Variants in EFCAB13 observed in about 807,000 individuals in gnomAD.
EFCAB13 encodes EF-hand calcium-binding domain-containing protein 13.
Under a neutral mutation model 110.2 loss-of-function variants are expected in EFCAB13, and 91 were observed. The observed-to-expected ratio is 0.83, with a 90% CI of 0.70 to 0.98. EFCAB13 has a LOEUF of 0.98. Among genes scored for constraint, EFCAB13 ranks in the 50% least tolerant of loss-of-function variants. EFCAB13 has a pLI of 0.00. For synonymous variants in EFCAB13, 323 were observed against 369.9 expected (o/e 0.87, Z 1.45); for missense variants, 968 against 1,119.4 (o/e 0.86, Z 1.93).
rs779042726 is a variant in EFCAB13 at position 47,335,265 on chromosome 17, A to G, written c.100A>G (p.Ile34Val). The G allele has an allele frequency of 3.1e-6, 5 of 1,611,902 alleles. No homozygotes were observed. Among genetic ancestry groups the G allele is most frequent in the Non-Finnish European group, 4.2e-6 (5 of 1,179,372 alleles). The change falls in exon 5 of 25, where the codon ATT becomes GTT. Residue 34 changes from isoleucine (I) to valine (V), a missense_variant. By Grantham distance (29) the Ile-to-Val change is conservative. Coordinates refer to ENST00000331493, the MANE Select transcript of EFCAB13 (RefSeq NM_152347.5). ...SFATDLSSGT[I>V]NHKKYIKFSK... The stretch of plus-strand genomic sequence containing the variant: ...TGCAACTGACTTGTCATCAGGAACT[A>G]TTAACCACAAGAAATACATCAAGTT...
intron 18 of EFCAB13, among the ~76,000 whole-genome samples, chr17:47,403,374 G>A (rs530409687): frequency 4.6e-5 from 7 of 152,148 alleles, no homozygotes; most frequent in African/African-American, 1.4e-4. Flanking sequence ...ACAGTTCCAG[G>A]TTACAAATCC....
rs374664160 is a variant in EFCAB13, at chr17:47,428,835, T to C, written c.2495-983T>C. Reference sequence around the variant, plus strand: ...TTATATCAATGTAATAATTTCTGAATTTTTATGATTGTATTGTTATTATGT... The same window carrying C: ...TTATATCAATGTAATAATTTCTGAACTTTTATGATTGTATTGTTATTATGT... On this transcript the variant is annotated intron_variant, in intron 23 of 24. Transcript: ENST00000331493. Among the ~76,000 whole-genome samples, 12 of 152,250 alleles carry C rather than the reference T, an allele frequency of 7.9e-5. No homozygotes were observed. In the East Asian group the frequency reaches 1.9e-3, roughly 24 times the overall value.
intron 11 of EFCAB13, among the ~76,000 whole-genome samples, chr17:47,373,826 G>C (rs1434918437): frequency 6.6e-6 from 1 of 152,002 alleles, no homozygotes; most frequent in East Asian, 1.9e-4. Context: ...ATTCATAGTT[G>C]AGATTATATT....
intron 23 of EFCAB13, among the ~76,000 whole-genome samples, chr17:47,427,120 T>C (rs1254834771): frequency 6.6e-6 from 1 of 152,114 alleles, no homozygotes; most frequent in Non-Finnish European, 1.5e-5. Flanking sequence ...TAGCTACTGA[T>C]TAAAAAGTTA....
intron 23 of EFCAB13, among the ~76,000 whole-genome samples, chr17:47,428,612 T>C (rs1905038379): frequency 6.6e-6 from 1 of 152,076 alleles, no homozygotes; most frequent in East Asian, 1.9e-4. Flanking sequence ...ACAACAAAGG[T>C]ACCACTGCAA....
At chr17:47,386,689 ACTC>A (rs1057246529) in intron 14 of EFCAB13, among the ~76,000 whole-genome samples, 2 of 151,142 alleles carry the variant, frequency 1.3e-5, no homozygotes, top group African/African-American at 4.9e-5. Flanking sequence ...ACAAAAAAAA[ACTC>A]CTGCAGCTAG....
intron 24 of EFCAB13, among the ~76,000 whole-genome samples, chr17:47,435,930 A>T (rs193001124): frequency 2.0e-5 from 3 of 152,182 alleles, no homozygotes; most frequent in Non-Finnish European, 2.9e-5. Context: ...TTTGTCATAG[A>T]TGGCTTTTAT....
intron 23 of EFCAB13, among the ~76,000 whole-genome samples, chr17:47,425,298 G>A (rs777604551): frequency 1.3e-5 from 2 of 152,084 alleles, no homozygotes; most frequent in East Asian, 1.9e-4. Context: ...TGATCCAATC[G>A]ATGTTTCTCA....
rs767115909 is a variant in EFCAB13 at position 47,394,100 on chromosome 17, G to A, written c.1801+1G>A. 4.7e-6 allele frequency: 7 copies of A among 1,504,966 alleles called. No individual in the cohort carries two copies. The highest frequency in any genetic ancestry group is 2.2e-5 in the Admixed American group (1 of 45,380). 93.2% of individuals were successfully genotyped at this position (1,504,966 alleles called of 1,614,324 possible). ...ACGGAATGCTTCTCTGAAAAATTAG[G>A]TACGTAAGAATATCATGTCTTCTGC... On this transcript the variant is annotated splice_donor_variant, in intron 16 of 24. Transcript: ENST00000331493. LOFTEE classifies it high-confidence loss of function.
At chr17:47,349,412 AG>A (rs1433034163) in intron 9 of EFCAB13, among the ~76,000 whole-genome samples, 3 of 152,230 alleles carry the variant, frequency 2.0e-5, no homozygotes, top group Non-Finnish European at 4.4e-5. Flanking sequence ...TATAAAAATT[AG>A]TCTTGAGCAA....
In EFCAB13 at chr17:47,364,029, CTT is replaced by C. The variant is rs1408621807; in HGVS notation, c.805+2509_805+2510del. ...ACAGCTGCAGTACCTTGCTTTTTGG[CTT>C]ATGGAGTTCTGGCCTGGGTCTCCAG... is the stretch of plus-strand genomic sequence containing the variant. On this transcript the variant is annotated intron_variant, in intron 10 of 24. Coordinates refer to ENST00000331493, the MANE Select transcript of EFCAB13 (RefSeq NM_152347.5). Among the ~76,000 whole-genome samples the C allele has an allele frequency of 2.6e-5, 4 of 152,284 alleles. No individual in the cohort carries two copies. The East Asian group carries it at 7.7e-4, about 29-fold the overall frequency.
intron 17 of EFCAB13, among the ~76,000 whole-genome samples, chr17:47,397,311 GT>G (rs1359626490): frequency 6.6e-6 from 1 of 152,142 alleles, no homozygotes; most frequent in Non-Finnish European, 1.5e-5. Context: ...GGTTCACTCA[GT>G]GCTCAATGGT....
At chr17:47,352,355 T>G (rs992087857) in intron 9 of EFCAB13, among the ~76,000 whole-genome samples, 9 of 152,190 alleles carry the variant, frequency 5.9e-5, no homozygotes, top group African/African-American at 2.2e-4. Context: ...GAGTGTCCTT[T>G]CACCAGTGTA....
chr17:47,377,487 C>T (rs2065622678), intron 12 of EFCAB13, among the ~76,000 whole-genome samples: 1 of 152,098 alleles, frequency 6.6e-6, no homozygotes, highest in African/African-American at 2.4e-5. Flanking sequence ...TAATCAGAAG[C>T]AAGCAGCATT....
intron 20 of EFCAB13, among the ~76,000 whole-genome samples, chr17:47,406,963 G>C (rs2065808432): frequency 6.6e-6 from 1 of 152,188 alleles, no homozygotes; most frequent in South Asian, 2.1e-4. Context: ...CTTTGGAAAT[G>C]TGAACTTTTA....
At chr17:47,344,919 C>A in intron 7 of EFCAB13, 97 bp from the exon 8 acceptor site, 1 of 884,108 alleles carries the variant, frequency 1.1e-6, no homozygotes, top group Non-Finnish European at 1.8e-6. Context: ...AAGAAAGGTT[C>A]TTATGAATCT....
At chr17:47,405,267 C>A (rs2065799365) in intron 20 of EFCAB13, among the ~76,000 whole-genome samples, 1 of 152,064 alleles carries the variant, frequency 6.6e-6, no homozygotes, top group South Asian at 2.1e-4. Context: ...TGGTGAGTAT[C>A]CTTGTACATA....
chr17:47,419,932 C>A (rs1284634924), intron 23 of EFCAB13, among the ~76,000 whole-genome samples: 1 of 151,660 alleles, frequency 6.6e-6, no homozygotes, highest in African/African-American at 2.4e-5. Flanking sequence ...CTCTCCCTCT[C>A]CCTCTCCCTC....
intron 8 of EFCAB13, 60 bp downstream of exon 8, chr17:47,345,158 T>C: frequency 1.6e-6 from 2 of 1,278,410 alleles, no homozygotes; most frequent in East Asian, 2.4e-5. Flanking sequence ...TTTTAGGAAT[T>C]GTTTCAGCAG....
Sources: allele counts gnomAD v4.1 joint callset (sites outside exome capture counted in the v4.1 genomes callset), GRCh38; gene constraint gnomAD v4.1.1; transcripts MANE v1.5; gene names NCBI Gene and HGNC (gene_info 2026-07-23, HGNC 2026-07-21).